Variants in MYBPC1 observed in about 807,000 individuals in gnomAD.
MYBPC1 encodes the protein myosin-binding protein C, slow-type.
MYBPC1 carries 52 observed loss-of-function variants against 147.1 expected under a neutral mutation model. The observed-to-expected ratio is 0.35, with a 90% CI of 0.28 to 0.45. MYBPC1 has a LOEUF of 0.45. Among genes scored for constraint, MYBPC1 ranks in the 20% least tolerant of loss-of-function variants. The probability of loss-of-function intolerance (pLI) is 1.00; values close to 1 mark genes in which losing one functional copy is unlikely to be tolerated. For synonymous variants in MYBPC1, 477 were observed against 475.9 expected (o/e 1.00, Z -0.03); for missense variants, 1,228 against 1,440.3 (o/e 0.85, Z 2.39).
chr12:101,599,886 A>C (rs1879145134), intron 1 of MYBPC1, among the ~76,000 whole-genome samples: 1 of 152,156 alleles, frequency 6.6e-6, no homozygotes, highest in Admixed American at 6.5e-5. Context: ...TCTGTGTTGT[A>C]AGAAGGAATA....
chr12:101,638,888 A>G (rs540116580), intron 10 of MYBPC1, among the ~76,000 whole-genome samples: 4 of 152,308 alleles, frequency 2.6e-5, no homozygotes, highest in African/African-American at 7.2e-5. Flanking sequence ...CATTTAGTAT[A>G]CTATACTAAT....
chr12:101,688,127 T>C (rs1951376977), downstream of MYBPC1, among the ~76,000 whole-genome samples: 1 of 152,194 alleles, frequency 6.6e-6, no homozygotes, highest in African/African-American at 2.4e-5. Context: ...AAACATTCAT[T>C]AAAAATTTTA....
intron 29 of MYBPC1, 128 bp from the exon 30 acceptor site, chr12:101,682,476 G>T (rs192551194): frequency 1.2e-6 from 1 of 833,724 alleles, no homozygotes. Context: ...TAAAAGTAAA[G>T]CTGAAATTGT....
At chr12:101,658,060 G>A (rs1243410749) in intron 18 of MYBPC1, among the ~76,000 whole-genome samples, 5 of 151,038 alleles carry the variant, frequency 3.3e-5, no homozygotes, top group Non-Finnish European at 7.4e-5. Context: ...GAACCCGGGA[G>A]GCGGAGCTTG....
chr12:101,692,441 C>T, the MYBPC1 span, among the ~76,000 whole-genome samples: 34 of 152,304 alleles, frequency 2.2e-4, no homozygotes, highest in East Asian at 5.4e-3. Context: ...GGAACATAAG[C>T]TCTGAAATCA....
chr12:101,645,315 G>A (rs1892861650), intron 12 of MYBPC1, among the ~76,000 whole-genome samples: 1 of 152,200 alleles, frequency 6.6e-6, no homozygotes, highest in African/African-American at 2.4e-5. Flanking sequence ...GTGGGTCAAA[G>A]CCTGTGTTTT....
rs79442861 is a variant in MYBPC1 at position 101,634,591 on chromosome 12, T to C, written c.594T>C (p.Ser198=). ...CTACTCCAAACATTGACATCAGATC[T>C]GCTTTCAAGAGAAGGTAACTCCAAA... is the stretch of plus-strand genomic sequence containing the variant. ...TGTTPNIDIR[S]AFKRSGEGQE... is the part of the protein sequence containing the mutation. The change falls in exon 9 of 32, where the codon TCT becomes TCC. Residue 198 remains serine (S), a synonymous_variant. Transcript: ENST00000361466. 1,568 of 1,613,154 alleles carry C rather than the reference T, an allele frequency of 9.7e-4. 14 individuals are homozygous for C. In the African/African-American group the frequency reaches 0.019, roughly 19 times the overall value.
chr12:101,661,380 C>A (rs1048844324), intron 20 of MYBPC1, 118 bp downstream of exon 20: 9 of 689,976 alleles, frequency 1.3e-5, no homozygotes, highest in Admixed American at 4.3e-5. Context: ...TTTACTGTGA[C>A]TTTATGCATT....
Position 101,617,250 on chromosome 12 carries a change from T to G in MYBPC1, c.103+7T>G. 6.2e-7 allele frequency: 1 copy of G among 1,613,590 alleles called. No homozygotes were observed. ...GGAACTACACCAGCAAAAGGTGAGT[T>G]GGAGGGAGGGAGAGTGAGGCTGAAG... On this transcript the variant is annotated splice_region_variant and intron_variant, in intron 3 of 31. Coordinates refer to ENST00000361466, the MANE Select transcript of MYBPC1 (RefSeq NM_002465.4).
chr12:101,682,461 G>C (rs1951072489), intron 29 of MYBPC1, 143 bp from the exon 30 acceptor site: 1 of 702,766 alleles, frequency 1.4e-6, no homozygotes, highest in Non-Finnish European at 2.5e-6. Context: ...AAAAGCTTTT[G>C]GTCCTAAAAG....
At chr12:101,682,802 A>AT in intron 30 of MYBPC1, 140 bp downstream of exon 30, 1 of 802,398 alleles carries the variant, frequency 1.2e-6, no homozygotes, top group South Asian at 1.6e-5. Context: ...TACAGTGCTT[A>AT]TGCCATGAAC....
chr12:101,674,044 C>T (rs560306867), intron 25 of MYBPC1, among the ~76,000 whole-genome samples: 1 of 152,192 alleles, frequency 6.6e-6, no homozygotes, highest in East Asian at 1.9e-4. Flanking sequence ...CAGAGTGAGA[C>T]TCTGTCTCCA....
intron 19 of MYBPC1, chr12:101,660,120 T>A: frequency 2.6e-6 from 1 of 386,350 alleles, no homozygotes. Context: ...ACAGAGGGAT[T>A]AGATCTGCCT....
At chr12:101,663,369 C>T (rs1896905204) in intron 21 of MYBPC1, 57 bp from the exon 22 acceptor site, 9 of 1,464,228 alleles carry the variant, frequency 6.1e-6, no homozygotes, top group African/African-American at 1.4e-5. Context: ...ATCACAGTTC[C>T]TGCACTATAG....
chr12:101,666,487 C>A (rs908371111), intron 22 of MYBPC1: 7 of 448,056 alleles, frequency 1.6e-5, no homozygotes, highest in South Asian at 1.5e-4. Context: ...CCTTTCTCCT[C>A]TTCTCTATTC....
In MYBPC1 at chr12:101,597,388, G is replaced by T. The variant is rs557487574; in HGVS notation, c.25+2293G>T. 7.2e-5 allele frequency among the ~76,000 whole-genome samples: 11 copies of T among 152,228 alleles called. 2 individuals carry two copies. The highest frequency in any genetic ancestry group is 2.4e-4 in the African/African-American group (10 of 41,542). ...TGAATCTTAATAGGACACATGAGCT[G>T]GTTTGGCCCTCCTAGGATCCAGGAG... On this transcript the variant is annotated intron_variant, in intron 1 of 31. Coordinates refer to ENST00000361466, the MANE Select transcript of MYBPC1 (RefSeq NM_002465.4).
At chr12:101,672,421 T>C (rs1203728417) in intron 24 of MYBPC1, among the ~76,000 whole-genome samples, 2 of 152,190 alleles carry the variant, frequency 1.3e-5, no homozygotes, top group African/African-American at 4.8e-5. Flanking sequence ...GAAACTCAGG[T>C]TCATGAATGG....
chr12:101,683,134 A>T (rs565308865), intron 30 of MYBPC1, among the ~76,000 whole-genome samples: 11 of 148,576 alleles, frequency 7.4e-5, no homozygotes, highest in Middle Eastern at 3.5e-3. Context: ...ACAAAAATAG[A>T]TCCAATATTT....
downstream of MYBPC1, among the ~76,000 whole-genome samples, chr12:101,689,664 A>T (rs147943996): frequency 2.1e-3 from 320 of 152,322 alleles, 2 homozygotes; most frequent in Middle Eastern, 3.4e-3. Context: ...GATTAATTAT[A>T]AGGTATTCAT....
Sources: allele counts gnomAD v4.1 joint callset (sites outside exome capture counted in the v4.1 genomes callset), GRCh38; gene constraint gnomAD v4.1.1; transcripts MANE v1.5; gene names NCBI Gene and HGNC (gene_info 2026-07-23, HGNC 2026-07-21).